OPCML: variants seen among roughly 807,000 people sequenced by gnomAD.
OPCML encodes opioid-binding protein/cell adhesion molecule.
A neutral mutation model predicts 37.8 loss-of-function variants in OPCML; 13 were observed. The observed-to-expected ratio is 0.34, with a 90% CI of 0.22 to 0.55. The LOEUF (loss-of-function observed/expected upper bound fraction) is 0.55. OPCML is among the 20% of genes least tolerant of loss of function. The pLI is 0.91. For missense variants in OPCML, 341 were observed against 435.6 expected (o/e 0.78, Z 1.93); for synonymous variants, 176 against 168.8 (o/e 1.04, Z -0.33).
At chr11:132,915,758 T>C (rs191830418) in intron 2 of OPCML, among the ~76,000 whole-genome samples, 184 of 152,376 alleles carry the variant, frequency 1.2e-3, no homozygotes, top group African/African-American at 4.2e-3. Context: ...ATTTATTCAC[T>C]ATTTTATTTC....
chr11:132,660,155 T>A (rs1242657186), intron 2 of OPCML, among the ~76,000 whole-genome samples: 1 of 152,320 alleles, frequency 6.6e-6, no homozygotes, highest in East Asian at 1.9e-4. Context: ...CCCCTTTTTT[T>A]AAATGCCGTA....
At chr11:132,854,274 G>C (rs899961608) in intron 2 of OPCML, among the ~76,000 whole-genome samples, 3 of 152,242 alleles carry the variant, frequency 2.0e-5, no homozygotes, top group African/African-American at 2.4e-5. Flanking sequence ...GCCCCATGGA[G>C]TTGGGGTGCA....
intron 2 of OPCML, among the ~76,000 whole-genome samples, chr11:132,821,288 G>C (rs1342596156): frequency 6.6e-6 from 1 of 152,188 alleles, no homozygotes; most frequent in Non-Finnish European, 1.5e-5. Context: ...AGGAGATCCA[G>C]ACATCCCCTA....
At chr11:132,870,261 C>T (rs997814282) in intron 2 of OPCML, among the ~76,000 whole-genome samples, 4 of 152,102 alleles carry the variant, frequency 2.6e-5, no homozygotes. Flanking sequence ...ATTACTGCCT[C>T]CATCCTGCCA....
chr11:133,026,657 C>G (rs938586057), intron 1 of OPCML: 1 of 856,102 alleles, frequency 1.2e-6, no homozygotes, highest in African/African-American at 1.9e-5. Context: ...TTGTGCATTG[C>G]CTGGATTCCT....
At position 132,802,485 on chromosome 11, in the gene OPCML, C is replaced by T. The variant is rs538794001; in HGVS notation, c.146+140441G>A. Among the ~76,000 whole-genome samples the T allele has an allele frequency of 5.3e-5, 8 of 152,304 alleles. No individual in the cohort carries two copies. The East Asian group carries it at 1.3e-3, about 26-fold the overall frequency. On this transcript the variant is annotated intron_variant, in intron 2 of 7. Coordinates refer to ENST00000524381, the MANE Select transcript of OPCML (RefSeq NM_001012393.5). ...GTTGGTTCAAGACATGAATGGAGAA[C>T]AAATCCTTAAAGATTTCTTAGAAAC... is the stretch of plus-strand genomic sequence containing the variant.
rs897513165 is a variant in OPCML at position 133,177,228 on chromosome 11, C to T, written c.62-234218G>A. ...CGTGTGTCTGTGTGCCTGTTGATAGCGTCTGATCCAAGCAGGGGCTAGATG... is the reference window on the plus strand; with the variant it reads ...CGTGTGTCTGTGTGCCTGTTGATAGTGTCTGATCCAAGCAGGGGCTAGATG... On this transcript the variant is annotated intron_variant, in intron 1 of 7. Transcript: ENST00000524381. The surrounding 1 kb of genome is among the most constrained non-coding windows in gnomAD (Gnocchi z 5.0). Among the ~76,000 whole-genome samples the T allele has an allele frequency of 1.3e-4, 20 of 152,206 alleles. No homozygotes were observed. The highest frequency in any genetic ancestry group is 1.6e-4 in the Non-Finnish European group (11 of 68,050).
intron 1 of OPCML, among the ~76,000 whole-genome samples, chr11:133,204,866 G>GTA (rs1348428556): frequency 7.9e-5 from 2 of 25,216 alleles, no homozygotes; most frequent in Non-Finnish European, 1.5e-4. Context: ...ATATATATAT[G>GTA]TGTATATATA....
At chr11:132,450,901 T>C (rs773000770) in intron 4 of OPCML, among the ~76,000 whole-genome samples, 3 of 152,180 alleles carry the variant, frequency 2.0e-5, no homozygotes, top group Non-Finnish European at 2.9e-5. Flanking sequence ...CTAAAAAGCG[T>C]TAGCTCTAAT....
intron 1 of OPCML, among the ~76,000 whole-genome samples, chr11:133,093,117 G>T (rs1218769102): frequency 6.6e-6 from 1 of 151,884 alleles, no homozygotes; most frequent in Admixed American, 6.6e-5. Flanking sequence ...AGGGGTATTT[G>T]GTTACATGAA....
At chr11:133,431,034 G>C (rs1173605300) in intron 1 of OPCML, among the ~76,000 whole-genome samples, 1 of 152,016 alleles carries the variant, frequency 6.6e-6, no homozygotes, top group African/African-American at 2.4e-5. Context: ...TATAAACACA[G>C]AGGCAAAAAA....
chr11:132,422,829 C>T (rs1183292548), intron 7 of OPCML, among the ~76,000 whole-genome samples: 3 of 152,300 alleles, frequency 2.0e-5, no homozygotes, highest in Middle Eastern at 6.8e-3. Flanking sequence ...AGAAAATGAC[C>T]ATTTGTGCAG....
At position 133,192,569 on chromosome 11, in the gene OPCML, T is replaced by C. The variant is rs1209290312; in HGVS notation, c.62-249559A>G. Among the ~76,000 whole-genome samples, 6 of 152,222 alleles carry C rather than the reference T, an allele frequency of 3.9e-5. No individual in the cohort carries two copies. In the East Asian group the frequency reaches 1.2e-3, roughly 29 times the overall value. ...TGGTTGCCTATTCTTTGTCTCTTCC[T>C]TGACGTTATTCAATTATAAGTAGTA... On this transcript the variant is annotated intron_variant, in intron 1 of 7. Coordinates refer to ENST00000524381, the MANE Select transcript of OPCML (RefSeq NM_001012393.5).
chr11:132,546,413 T>A (rs2096368770), intron 3 of OPCML, among the ~76,000 whole-genome samples: 1 of 152,190 alleles, frequency 6.6e-6, no homozygotes, highest in South Asian at 2.1e-4. Context: ...CAATGTGTAG[T>A]CTTTTCTCCT....
chr11:133,298,978 C>A (rs1364788868), intron 1 of OPCML: 1 of 151,734 alleles, frequency 6.6e-6, no homozygotes, highest in Non-Finnish European at 1.5e-5. Flanking sequence ...GTTCTTAGAC[C>A]CAGATCAGCA....
At chr11:133,360,538 A>G (rs1374199562) in intron 1 of OPCML, 6 of 152,254 alleles carry the variant, frequency 3.9e-5, no homozygotes, top group Non-Finnish European at 1.5e-5. Flanking sequence ...TGTGGAAAAT[A>G]CACAGGTAGG....
intron 2 of OPCML, among the ~76,000 whole-genome samples, chr11:132,879,819 A>G (rs1264455282): frequency 6.6e-6 from 1 of 152,230 alleles, no homozygotes; most frequent in Admixed American, 6.5e-5. Context: ...TACTTCATAC[A>G]TGAGCCATTT....
chr11:132,960,252 T>C (rs1461439576), intron 1 of OPCML, among the ~76,000 whole-genome samples: 1 of 152,162 alleles, frequency 6.6e-6, no homozygotes, highest in Non-Finnish European at 1.5e-5. Context: ...AGGCCCAAGA[T>C]AAGATTAGAA....
intron 1 of OPCML, chr11:133,007,119 T>A: frequency 5.1e-6 from 5 of 985,456 alleles, no homozygotes; most frequent in Non-Finnish European, 6.0e-6. Context: ...AGAGCTTTAT[T>A]TTCCCCAAAC....
Sources: allele counts gnomAD v4.1 joint callset (sites outside exome capture counted in the v4.1 genomes callset), GRCh38; gene constraint gnomAD v4.1.1; non-coding constraint Gnocchi (gnomAD v3.1); transcripts MANE v1.5; gene names NCBI Gene and HGNC (gene_info 2026-07-23, HGNC 2026-07-21).